IFI44: variants seen among roughly 807,000 people sequenced by gnomAD.
IFI44 encodes interferon-induced protein 44.
A neutral mutation model predicts 45.0 loss-of-function variants in IFI44; 42 were observed. The observed-to-expected ratio is 0.93, with a 90% CI of 0.73 to 1.21. The LOEUF is 1.21. IFI44 is among the 50% of genes most tolerant of loss of function. The pLI is 0.00. For missense variants in IFI44, 623 were observed against 525.8 expected, an observed-to-expected ratio of 1.18 and a Z score of -1.81; for synonymous variants, 221 against 188.6, an observed-to-expected ratio of 1.17 and a Z score of -1.41.
chr1:78,650,684 TCTC>T (rs754377295), intron 2 of IFI44, 32 bp downstream of exon 2: 1 of 1,386,916 alleles, frequency 7.2e-7, no homozygotes. Flanking sequence ...TGTAGAGAGT[TCTC>T]CCTTGCATGT....
At position 78,650,436 on chromosome 1, in the gene IFI44, G is replaced by A. The variant is rs1390320263; in HGVS notation, c.241G>A (p.Ala81Thr). 6.2e-7 allele frequency: 1 copy of A among 1,613,920 alleles called. No individual in the cohort carries two copies. Among genetic ancestry groups the A allele is most frequent in the African/African-American group, 1.3e-5 (1 of 75,030 alleles). The change falls in exon 2 of 9, where the codon GCA (alanine) becomes ACA (threonine). Residue 81 changes from alanine (A) to threonine (T), a missense_variant. Transcript: ENST00000370747. ...EGKYASIILF[A>T]LQDTKISEWK... ...AAAGTATGCTTCCATCATCCTTTTT[G>A]CACTTCAAGATACTAAAATTTCAGA...
chr1:78,658,292 C>G (rs752429414), intron 5 of IFI44, among the ~76,000 whole-genome samples: 1 of 152,004 alleles, frequency 6.6e-6, no homozygotes, highest in Non-Finnish European at 1.5e-5. Flanking sequence ...AGTATAAAAG[C>G]TCTATCAGTA....
intron 8 of IFI44, chr1:78,663,235 G>T (rs896753623): frequency 1.0e-6 from 1 of 985,112 alleles, no homozygotes; most frequent in Non-Finnish European, 1.2e-6. Flanking sequence ...GATTGGCATT[G>T]CTCCTGATCA....
At position 78,650,471 on chromosome 1, in the gene IFI44, A is replaced by G. The variant is rs1647104898; in HGVS notation, c.276A>G (p.Leu92=). The change falls in exon 2 of 9, where the codon CTA becomes CTG. Residue 92 remains leucine (L), a synonymous_variant. Transcript: ENST00000370747. ...LQDTKISEWK[L]GLCTPETLFC... ...ATACTAAAATTTCAGAATGGAAACTAGGACTATGTACACCAGAAACACTGT... is the reference window on the plus strand; with the variant it reads ...ATACTAAAATTTCAGAATGGAAACTGGGACTATGTACACCAGAAACACTGT... 1 of 1,614,112 alleles carries G rather than the reference A, an allele frequency of 6.2e-7. No homozygotes were observed. Among genetic ancestry groups the G allele is most frequent in the Middle Eastern group, 1.7e-4 (1 of 6,060 alleles).
chr1:78,660,579 T>C lies in IFI44; in HGVS notation c.1038T>C (p.Thr346=). 3.1e-6 allele frequency: 5 copies of C among 1,613,604 alleles called. No individual in the cohort carries two copies. Among genetic ancestry groups the C allele is most frequent in the Non-Finnish European group, 3.4e-6 (4 of 1,179,602 alleles). ...NAGVVHVALL[T]HVDSMDLITK... is the part of the protein sequence containing the mutation. ...GTGTGGTACATGTGGCTTTGCTCAC[T>C]CATGTGGATAGCATGGATTTGATTA... Residue 346 remains threonine (T), a synonymous_variant, in exon 7 of 9, where the codon ACT becomes ACC. Coordinates refer to ENST00000370747, the MANE Select transcript of IFI44 (RefSeq NM_006417.5).
intron 7 of IFI44, among the ~76,000 whole-genome samples, chr1:78,661,341 G>A (rs1383658830): frequency 6.6e-6 from 1 of 152,070 alleles, no homozygotes; most frequent in African/African-American, 2.4e-5. Context: ...TGGGATTAAG[G>A]CATGAGTCCC....
chr1:78,655,296 A>G (rs912453178), intron 4 of IFI44, 66 bp from the exon 5 acceptor site: 19 of 1,561,998 alleles, frequency 1.2e-5, no homozygotes, highest in Admixed American at 3.9e-5. Context: ...ACTTTATTAC[A>G]TATAGACTTC....
At chr1:78,660,528 G>A in intron 6 of IFI44, 26 bp from the exon 7 acceptor site, 1 of 1,521,518 alleles carries the variant, frequency 6.6e-7, no homozygotes, top group Non-Finnish European at 9.1e-7. Flanking sequence ...TCTCTAAAAT[G>A]ATTTAAAAAA....
intron 7 of IFI44, among the ~76,000 whole-genome samples, chr1:78,661,016 A>G (rs1175909004): frequency 6.6e-6 from 1 of 152,204 alleles, no homozygotes; most frequent in Non-Finnish European, 1.5e-5. Flanking sequence ...ATTTTTCATT[A>G]TTAATGACAA....
chr1:78,653,896 T>C (rs1355227686), intron 2 of IFI44, among the ~76,000 whole-genome samples: 3 of 152,210 alleles, frequency 2.0e-5, no homozygotes, highest in Non-Finnish European at 4.4e-5. Flanking sequence ...ACATTAGATA[T>C]TCCCACATCT....
intron 2 of IFI44, among the ~76,000 whole-genome samples, chr1:78,651,300 C>T (rs1007430962): frequency 6.6e-6 from 1 of 152,076 alleles, no homozygotes; most frequent in African/African-American, 2.4e-5. Context: ...CTAAACGGTC[C>T]CATCTTGGGG....
At chr1:78,651,503 C>T (rs997917943) in intron 2 of IFI44, among the ~76,000 whole-genome samples, 2 of 152,172 alleles carry the variant, frequency 1.3e-5, no homozygotes, top group Admixed American at 6.5e-5. Flanking sequence ...AAGCTTCACT[C>T]GCCTGCCTCT....
intron 6 of IFI44, among the ~76,000 whole-genome samples, chr1:78,659,838 C>A (rs565562231): frequency 6.6e-6 from 1 of 152,112 alleles, no homozygotes; most frequent in Admixed American, 6.6e-5. Context: ...CAATATTGGG[C>A]CTTGAGCTTT....
At chr1:78,656,954 C>A (rs1465661317) in intron 5 of IFI44, among the ~76,000 whole-genome samples, 2 of 151,496 alleles carry the variant, frequency 1.3e-5, no homozygotes, top group East Asian at 1.9e-4. Context: ...TACTCAGCAT[C>A]AAAAATTTTT....
chr1:78,655,689 A>G (rs1234393620), intron 5 of IFI44, among the ~76,000 whole-genome samples, 178 bp downstream of exon 5: 2 of 152,034 alleles, frequency 1.3e-5, no homozygotes, highest in Non-Finnish European at 2.9e-5. Context: ...CTATCTTAAC[A>G]GCTACTCCAC....
intron 5 of IFI44, among the ~76,000 whole-genome samples, chr1:78,657,981 G>T (rs1434145911): frequency 6.6e-6 from 1 of 151,940 alleles, no homozygotes; most frequent in Non-Finnish European, 1.5e-5. Context: ...ATTTCTTCAA[G>T]TAGTCCTGGT....
chr1:78,656,490 T>A, intron 5 of IFI44, among the ~76,000 whole-genome samples: 1 of 152,192 alleles, frequency 6.6e-6, no homozygotes, highest in East Asian at 1.9e-4. Flanking sequence ...GATGTAGTGA[T>A]CTATTATTTC....
intron 2 of IFI44, 95 bp downstream of exon 2, chr1:78,650,747 C>G: frequency 2.5e-6 from 2 of 797,058 alleles, no homozygotes; most frequent in Non-Finnish European, 2.0e-6. Context: ...GAACTTTTCA[C>G]TTGTCAATAA....
chr1:78,655,002 A>G lies in IFI44; in HGVS notation c.495-12A>G, dbSNP rs1158783093. On this transcript the variant is annotated splice_polypyrimidine_tract_variant and intron_variant, in intron 3 of 8. Coordinates refer to ENST00000370747, the MANE Select transcript of IFI44 (RefSeq NM_006417.5). ...CCTCAGTCAATTGTTAAAAACGGTC[A>G]TGTCTAAACAGGCTCAGGAAGAGCT... 6.5e-7 allele frequency: 1 copy of G among 1,541,032 alleles called. No individual in the cohort carries two copies. The highest frequency in any genetic ancestry group is 1.3e-5 in the South Asian group (1 of 79,158).
Sources: gnomAD v4.1 joint callset for allele counts (sites outside exome capture counted in the v4.1 genomes callset) on GRCh38, gnomAD v4.1.1 for gene constraint, MANE v1.5 for transcripts, NCBI Gene and HGNC (gene_info 2026-07-23, HGNC 2026-07-21) for gene names.